Variants in RUNX1 observed in about 807,000 individuals in gnomAD.
RUNX1 encodes the protein runt-related transcription factor 1.
In RUNX1, 19 loss-of-function variants were observed where a neutral mutation model predicts 42.8. That is an observed-to-expected ratio of 0.44 (90% confidence interval 0.31 to 0.65). The LOEUF (loss-of-function observed/expected upper bound fraction) is 0.65. RUNX1 is among the 30% of genes least tolerant of loss of function. The pLI, the probability that RUNX1 is intolerant of heterozygous loss-of-function variation, is 0.07. For missense variants in RUNX1, 528 were observed against 672.0 expected (o/e 0.79, Z 2.37); for synonymous variants, 271 against 289.4 (o/e 0.94, Z 0.64).
intron 7 of RUNX1, among the ~76,000 whole-genome samples, chr21:34,822,348 T>C (rs906522956): frequency 1.3e-4 from 20 of 152,342 alleles, no homozygotes; most frequent in African/African-American, 4.8e-4. Context: ...ATTGGTCTGT[T>C]CTATAAATAC....
At chr21:34,888,645 G>T in intron 3 of RUNX1, 1 of 1,051,662 alleles carries the variant, frequency 9.5e-7, no homozygotes, top group Non-Finnish European at 1.1e-6. Flanking sequence ...CCCTGGCTGG[G>T]TCCGGCCGCG....
intron 2 of RUNX1, among the ~76,000 whole-genome samples, chr21:34,918,012 C>T (rs1270668196): frequency 6.6e-6 from 1 of 151,274 alleles, no homozygotes; most frequent in East Asian, 1.9e-4. Flanking sequence ...GCCTGTAGTA[C>T]CAGCTACTCA....
intron 6 of RUNX1, among the ~76,000 whole-genome samples, chr21:34,838,979 A>G (rs1421997270): frequency 4.6e-5 from 7 of 152,032 alleles, no homozygotes; most frequent in Admixed American, 3.9e-4. Flanking sequence ...CATATTATAT[A>G]TGCATGCTTA....
At chr21:34,957,466 C>T (rs2058652642) in intron 2 of RUNX1, among the ~76,000 whole-genome samples, 1 of 152,116 alleles carries the variant, frequency 6.6e-6, no homozygotes, top group South Asian at 2.1e-4. Flanking sequence ...CCCTGAGAGA[C>T]TACCTTATTA....
intron 6 of RUNX1, among the ~76,000 whole-genome samples, chr21:34,835,362 CTGGTG>C (rs2057130615): frequency 2.0e-5 from 3 of 152,140 alleles, no homozygotes; most frequent in Non-Finnish European, 4.4e-5. Flanking sequence ...TACAGCCTAT[CTGGTG>C]AGCTTCCCCA....
chr21:34,839,716 T>G (rs1252774385), intron 6 of RUNX1, among the ~76,000 whole-genome samples: 1 of 152,088 alleles, frequency 6.6e-6, no homozygotes, highest in Admixed American at 6.5e-5. Context: ...GCCTGAGAAT[T>G]TGGAGTTCTA....
intron 7 of RUNX1, chr21:34,833,487 A>T (rs1385980683): frequency 2.0e-5 from 3 of 152,534 alleles, no homozygotes; most frequent in Non-Finnish European, 4.4e-5. Flanking sequence ...ATCCCACAAT[A>T]CAACTCACAT....
At chr21:34,994,473 G>T (rs1029996599) in intron 2 of RUNX1, among the ~76,000 whole-genome samples, 6 of 151,986 alleles carry the variant, frequency 3.9e-5, no homozygotes, top group Admixed American at 3.9e-4. Context: ...TTTCCATGAC[G>T]TGATTATTGT....
chr21:34,995,921 T>TGTATATG (rs1277042088), intron 2 of RUNX1, among the ~76,000 whole-genome samples: 231 of 152,332 alleles, frequency 1.5e-3, no homozygotes, highest in Middle Eastern at 0.01. Flanking sequence ...TATGTACGTG[T>TGTATATG]TTCTTTTTAT....
intron 2 of RUNX1, among the ~76,000 whole-genome samples, chr21:35,044,478 C>G (rs1046211442): frequency 6.6e-6 from 1 of 152,168 alleles, no homozygotes. Flanking sequence ...ACACAGCTAC[C>G]TTAATAACAG....
chr21:34,844,431 C>T (rs561516378), intron 6 of RUNX1, among the ~76,000 whole-genome samples: 32 of 152,162 alleles, frequency 2.1e-4, no homozygotes, highest in Non-Finnish European at 4.4e-4. Context: ...CACTGGCCTC[C>T]TAACCTCCCT....
intron 2 of RUNX1, among the ~76,000 whole-genome samples, chr21:35,007,821 C>A (rs950586206): frequency 6.6e-6 from 1 of 152,126 alleles, no homozygotes; most frequent in Non-Finnish European, 1.5e-5. Flanking sequence ...TACCCCCAAA[C>A]GCCGATGAGA....
intron 2 of RUNX1, among the ~76,000 whole-genome samples, chr21:35,000,153 G>A (rs1195395725): frequency 2.0e-5 from 3 of 151,810 alleles, no homozygotes; most frequent in Non-Finnish European, 4.4e-5. Flanking sequence ...CAAGGAAGAG[G>A]TGTTATAATT....
intron 6 of RUNX1, among the ~76,000 whole-genome samples, chr21:34,853,503 T>A (rs968242889): frequency 6.6e-6 from 1 of 152,230 alleles, no homozygotes; most frequent in African/African-American, 2.4e-5. Context: ...TGCCAGCATC[T>A]GGACGCCTTA....
At chr21:34,935,280 G>C (rs2058476680) in intron 2 of RUNX1, among the ~76,000 whole-genome samples, 1 of 151,960 alleles carries the variant, frequency 6.6e-6, no homozygotes, top group African/African-American at 2.4e-5. Flanking sequence ...TCATAGCATT[G>C]CTGATTCCTA....
rs1201741225 is a variant in RUNX1, at chr21:34,792,568, G to T, written c.1010C>A (p.Pro337His). Residue 337 changes from proline to histidine, a missense_variant, in exon 9 of 9, where the codon CCC becomes CAC. Pro to His is a moderately conservative substitution (Grantham distance 77). Transcript: ENST00000675419. This position sits in a 1 kb window ranked among gnomAD's most constrained non-coding sequence, Gnocchi z 6.9. ...LTAFSDPRQFPALPSISDPRM... is the reference protein window; with the variant it reads ...LTAFSDPRQFHALPSISDPRM... ...GGGGTCGGAGATGGAGGGCAGCGCG[G>T]GGAACTGGCGCGGGTCGCTGAACGC... The T allele has an allele frequency of 6.2e-7, 1 of 1,605,864 alleles. No homozygotes were observed. The highest frequency in any genetic ancestry group is 8.5e-7 in the Non-Finnish European group (1 of 1,176,510).
chr21:34,996,319 A>C (rs957257792), intron 2 of RUNX1, among the ~76,000 whole-genome samples: 1 of 152,150 alleles, frequency 6.6e-6, no homozygotes, highest in African/African-American at 2.4e-5. Flanking sequence ...AATGGAGGGA[A>C]AAGTGGTACA....
At chr21:34,814,479 C>T (rs759739258) in intron 7 of RUNX1, among the ~76,000 whole-genome samples, 16 of 152,178 alleles carry the variant, frequency 1.1e-4, no homozygotes, top group Non-Finnish European at 1.5e-4. Flanking sequence ...ATCCCCTTTT[C>T]GACTAGCATC....
At chr21:34,969,765 C>CAAA (rs150978735) in intron 2 of RUNX1, among the ~76,000 whole-genome samples, 3 of 124,698 alleles carry the variant, frequency 2.4e-5, no homozygotes, top group African/African-American at 6.1e-5. Context: ...TCAGTTAAAG[C>CAAA]AAAAAAAAAA....
Sources: gnomAD v4.1 joint callset for allele counts (sites outside exome capture counted in the v4.1 genomes callset) on GRCh38, gnomAD v4.1.1 for gene constraint, Gnocchi (gnomAD v3.1) non-coding constraint, MANE v1.5 for transcripts, NCBI Gene and HGNC (gene_info 2026-07-23, HGNC 2026-07-21) for gene names.